Variants in WDR46 observed in about 807,000 individuals in gnomAD.
WDR46 encodes WD repeat domain 46.
Under a neutral mutation model 74.7 loss-of-function variants are expected in WDR46, and 58 were observed. The ratio of observed to expected loss-of-function variants is 0.78; its 90% CI spans 0.63 to 0.97. The LOEUF (loss-of-function observed/expected upper bound fraction) is 0.97. WDR46 is among the 50% of genes least tolerant of loss of function. WDR46 has a pLI of 0.00. For synonymous variants in WDR46, 278 were observed against 297.3 expected, an observed-to-expected ratio of 0.93 and a Z score of 0.67; for missense variants, 702 against 790.1, an observed-to-expected ratio of 0.89 and a Z score of 1.34.
chr6:33,280,079 C>T (rs1163591948), intron 12 of WDR46, among the ~76,000 whole-genome samples: 5 of 152,072 alleles, frequency 3.3e-5, no homozygotes, highest in Non-Finnish European at 7.4e-5. Flanking sequence ...GGCAATCTCA[C>T]CCTCTCCAGC....
At chr6:33,281,464 G>A (rs189704103) in intron 10 of WDR46, among the ~76,000 whole-genome samples, 1 of 152,168 alleles carries the variant, frequency 6.6e-6, no homozygotes, top group African/African-American at 2.4e-5. Context: ...AAAAATTACA[G>A]GAAGTAGATA....
rs769265014 is a variant in WDR46, at chr6:33,286,887, C to A, written c.1023G>T (p.Val341=). Residue 341 remains valine (V), a synonymous_variant, in exon 10 of 15, where the codon GTG becomes GTT. Transcript: ENST00000374617. The part of the protein sequence containing the change: ...VIHLGHSNGT[V]SLWSPAMKEP... ...CCTTCATAGCTGGACTCCATAAAGA[C>A]ACAGTACCTGGAAGAGAAGAAGAAC... 1 of 1,614,102 alleles carries A rather than the reference C, an allele frequency of 6.2e-7. No homozygotes were observed.
At position 33,288,490 on chromosome 6, in the gene WDR46, G is replaced by C. The variant is rs372953070; in HGVS notation, c.361-20C>G. ...TGGTAGCTGTAACATTGTTGGTGGG[G>C]AGGAGTGGCAGAAGAACCACAGGAT... On this transcript the variant is annotated intron_variant, in intron 3 of 14. Coordinates refer to ENST00000374617, the MANE Select transcript of WDR46 (RefSeq NM_005452.6). The C allele has an allele frequency of 1.4e-5, 22 of 1,613,544 alleles. No individual in the cohort carries two copies. In the African/African-American group the frequency reaches 2.4e-4, roughly 18 times the overall value.
At chr6:33,286,715 CTG>C (rs2150907920) in intron 10 of WDR46, 78 bp downstream of exon 10, 1 of 1,369,756 alleles carries the variant, frequency 7.3e-7, no homozygotes, top group Non-Finnish European at 1.0e-6. Context: ...GCTTTAGACT[CTG>C]TGCTCCTAAA....
At position 33,286,819 on chromosome 6, in the gene WDR46, G is replaced by A. The variant is rs909243964; in HGVS notation, c.1091C>T (p.Ala364Val). The change falls in exon 10 of 15, where the codon GCT becomes GTT. Residue 364 changes from alanine to valine, a missense_variant. Transcript: ENST00000374617. ...KILCHRGGVR[A>V]VAVDSTGTYM... ...CGTGCCTGTAGAATCTACTGCCACA[G>A]CCCGGACCCCACCACGATGACAGAG... 6.2e-7 allele frequency: 1 copy of A among 1,614,092 alleles called. No individual in the cohort carries two copies. Among genetic ancestry groups the A allele is most frequent in the Non-Finnish European group, 8.5e-7 (1 of 1,180,022 alleles).
chr6:33,286,534 TA>T (rs1222596324), intron 10 of WDR46, among the ~76,000 whole-genome samples: 2 of 152,212 alleles, frequency 1.3e-5, no homozygotes, highest in Non-Finnish European at 2.9e-5. Context: ...CAGCAAATCA[TA>T]AAATATTTAC....
chr6:33,286,136 G>C (rs559781624), intron 10 of WDR46, among the ~76,000 whole-genome samples: 55 of 132,720 alleles, frequency 4.1e-4, no homozygotes, highest in African/African-American at 1.6e-3. Context: ...GCAAGACTAC[G>C]TCTCTCTCAA....
chr6:33,281,147 T>C (rs898786017), intron 10 of WDR46, among the ~76,000 whole-genome samples, 160 bp from the exon 11 acceptor site: 2 of 152,262 alleles, frequency 1.3e-5, no homozygotes, highest in African/African-American at 2.4e-5. Flanking sequence ...TCAGTTAAGC[T>C]GCACACAACT....
chr6:33,287,782 G>A, intron 6 of WDR46, 64 bp from the exon 7 acceptor site: 4 of 1,587,768 alleles, frequency 2.5e-6, no homozygotes, highest in Non-Finnish European at 3.4e-6. Context: ...ACAACTTGAG[G>A]TCTGCCCCAC....
In WDR46 at chr6:33,280,525, G is replaced by A. The variant is rs1363312988; in HGVS notation, c.1430-3C>T. ...ATCGAAGTTGGGCTCACCGGCCCCTGAAGGGAGGGAGGGAGAAGCATGGAG... is the reference window on the plus strand; with the variant it reads ...ATCGAAGTTGGGCTCACCGGCCCCTAAAGGGAGGGAGGGAGAAGCATGGAG... On this transcript the variant is annotated splice_region_variant and splice_polypyrimidine_tract_variant and intron_variant, in intron 11 of 14. Transcript: ENST00000374617. The A allele has an allele frequency of 2.5e-6, 4 of 1,601,222 alleles. No individual in the cohort carries two copies. Among genetic ancestry groups the A allele is most frequent in the Non-Finnish European group, 3.4e-6 (4 of 1,173,212 alleles).
At chr6:33,281,222 C>T (rs1179518945) in intron 10 of WDR46, among the ~76,000 whole-genome samples, 1 of 152,194 alleles carries the variant, frequency 6.6e-6, no homozygotes, top group Non-Finnish European at 1.5e-5. Context: ...AAAGCTAGGT[C>T]AGTGAATGGT....
rs751726789 is a variant in WDR46 at position 33,289,019 on chromosome 6, G to C, written c.70-6C>G. The C allele has an allele frequency of 1.2e-6, 2 of 1,613,936 alleles. No individual in the cohort carries two copies. Among genetic ancestry groups the C allele is most frequent in the African/African-American group, 1.3e-5 (1 of 74,978 alleles). ...TCCCAGTATCGCCGCGGTTTCTACA[G>C]GCACATCAGGAACTCCGCACTCACG... is the stretch of plus-strand genomic sequence containing the variant. On this transcript the variant is annotated splice_polypyrimidine_tract_variant and splice_region_variant and intron_variant, in intron 1 of 14. Coordinates refer to ENST00000374617, the MANE Select transcript of WDR46 (RefSeq NM_005452.6).
Position 33,287,624 on chromosome 6 carries a change from G to C in WDR46, c.718C>G (p.Arg240Gly). 6.2e-7 allele frequency: 1 copy of C among 1,613,850 alleles called. No individual in the cohort carries two copies. Among genetic ancestry groups the C allele is most frequent in the Non-Finnish European group, 8.5e-7 (1 of 1,179,996 alleles). ...AGTGAGGCCACTGACCGGATGTCCC[G>C]CACCGCCTCCATGACGTTGATCTCG... is the stretch of plus-strand genomic sequence containing the variant. ...MCEINVMEAVRDIRFLHSEAL... is the reference protein window; with the variant it reads ...MCEINVMEAVGDIRFLHSEAL... The change falls in exon 7 of 15, where the codon CGG (arginine) becomes GGG (glycine). Residue 240 changes from arginine to glycine, a missense_variant. Coordinates refer to ENST00000374617, the MANE Select transcript of WDR46 (RefSeq NM_005452.6).
At chr6:33,283,414 T>C (rs1286728527) in intron 10 of WDR46, among the ~76,000 whole-genome samples, 2 of 152,102 alleles carry the variant, frequency 1.3e-5, no homozygotes, top group Non-Finnish European at 2.9e-5. Context: ...CTGGGCTACA[T>C]GGTGAAACCC....
At chr6:33,286,967 A>G in intron 9 of WDR46, 73 bp from the exon 10 acceptor site, 2 of 1,596,044 alleles carry the variant, frequency 1.3e-6, no homozygotes, top group Non-Finnish European at 1.7e-6. Flanking sequence ...GAAAGATGGG[A>G]ACTCAAGACC....
At chr6:33,287,917 G>A (rs1766822312) in intron 6 of WDR46, 48 bp downstream of exon 6, 1 of 1,606,538 alleles carries the variant, frequency 6.2e-7, no homozygotes, top group Non-Finnish European at 8.5e-7. Flanking sequence ...GGCTGAAGTG[G>A]TTAAGGAAAC....
chr6:33,286,731 C>G, intron 10 of WDR46, 64 bp downstream of exon 10: 1 of 1,509,522 alleles, frequency 6.6e-7, no homozygotes, highest in Non-Finnish European at 9.2e-7. Flanking sequence ...TCCTAAAGCA[C>G]ACTGCCTTCC....
chr6:33,288,574 C>A, intron 3 of WDR46, 40 bp downstream of exon 3: 1 of 1,611,074 alleles, frequency 6.2e-7, no homozygotes, highest in Non-Finnish European at 8.5e-7. Flanking sequence ...CCAGACACTC[C>A]CTGCCTCCAG....
chr6:33,286,218 G>A (rs1486537085), intron 10 of WDR46, among the ~76,000 whole-genome samples: 3 of 152,026 alleles, frequency 2.0e-5, no homozygotes, highest in Non-Finnish European at 2.9e-5. Context: ...AGGCTGAGGC[G>A]GGCAGATCAC....
Sources: gnomAD v4.1 joint callset for allele counts (sites outside exome capture counted in the v4.1 genomes callset) on GRCh38, gnomAD v4.1.1 for gene constraint, MANE v1.5 for transcripts, NCBI Gene and HGNC (gene_info 2026-07-23, HGNC 2026-07-21) for gene names.